POLR3G: variants seen among roughly 807,000 people sequenced by gnomAD.
POLR3G encodes RNA polymerase III subunit G, also known as DNA-directed RNA polymerase III subunit RPC7.
POLR3G carries 28 observed loss-of-function variants against 30.1 expected under a neutral mutation model. The observed-to-expected ratio is 0.93, with a 90% CI of 0.69 to 1.27. The LOEUF is 1.27. POLR3G is among the 50% of genes most tolerant of loss of function. The pLI is 0.00. For synonymous variants in POLR3G, 79 were observed against 82.5 expected (o/e 0.96, Z 0.23); for missense variants, 254 against 264.6 (o/e 0.96, Z 0.28).
At chr5:90,496,719 C>G (rs1752014596) in intron 4 of POLR3G, among the ~76,000 whole-genome samples, 1 of 152,192 alleles carries the variant, frequency 6.6e-6, no homozygotes, top group Admixed American at 6.5e-5. Flanking sequence ...TGTCCTTGGT[C>G]TTTTATGGAA....
chr5:90,508,938 G>A (rs1376757915), intron 7 of POLR3G, among the ~76,000 whole-genome samples: 1 of 152,288 alleles, frequency 6.6e-6, no homozygotes, highest in Middle Eastern at 3.4e-3. Flanking sequence ...GCGGGTGCCT[G>A]TAATCCCAAC....
At position 90,506,627 on chromosome 5, in the gene POLR3G, G is replaced by A. The variant is rs140910392; in HGVS notation, c.538G>A (p.Asp180Asn). ...KSKEGDDDDD[D>N]DAAEQEEYDE... ...TAAAGAAGGTGATGATGACGATGACGATGATGCCGCAGAACAGGAGGAATA... is the reference window on the plus strand; with the variant it reads ...TAAAGAAGGTGATGATGACGATGACAATGATGCCGCAGAACAGGAGGAATA... The change falls in exon 7 of 8, where the codon GAT (aspartate) becomes AAT (asparagine). Residue 180 changes from aspartate (D) to asparagine (N), a missense_variant. Transcript: ENST00000651687. 109 of 1,613,670 alleles carry A rather than the reference G, an allele frequency of 6.8e-5. No individual in the cohort carries two copies. The highest frequency in any genetic ancestry group is 5.6e-4 in the African/African-American group (42 of 75,034).
intron 2 of POLR3G, among the ~76,000 whole-genome samples, chr5:90,486,286 T>C (rs1213198189): frequency 6.6e-6 from 1 of 152,232 alleles, no homozygotes; most frequent in Non-Finnish European, 1.5e-5. Flanking sequence ...TTTACCTTTT[T>C]GATATTCAGC....
At chr5:90,485,929 A>T (rs1280926321) in intron 2 of POLR3G, among the ~76,000 whole-genome samples, 1 of 152,224 alleles carries the variant, frequency 6.6e-6, no homozygotes, top group Non-Finnish European at 1.5e-5. Flanking sequence ...ATTAGTTTTC[A>T]ATTCTTACAA....
rs35557396 is a variant in POLR3G, at chr5:90,481,327, T to TG, written c.-43-4197dup. Among the ~76,000 whole-genome samples the TG allele has an allele frequency of 7.4e-4, 107 of 145,218 alleles. 1 individual carries two copies. Among genetic ancestry groups the TG allele is most frequent in the Admixed American group, 1.0e-3 (15 of 14,756 alleles). On this transcript the variant is annotated intron_variant, in intron 1 of 7. Transcript: ENST00000651687. ...AGAGAGCATCCCTTTTCAGTATTCT[T>TG]GAAAAAAAAAAAAAAATCAAACCCA...
At chr5:90,474,396 G>A (rs557665000), upstream of POLR3G, 3 of 1,078,918 alleles carry the variant, frequency 2.8e-6, no homozygotes, top group South Asian at 1.4e-5. Flanking sequence ...TCTGCCTGCA[G>A]CCAGGGAGGA....
intron 7 of POLR3G, among the ~76,000 whole-genome samples, chr5:90,508,520 G>A (rs1279739454): frequency 6.6e-6 from 1 of 151,564 alleles, no homozygotes; most frequent in African/African-American, 2.4e-5. Context: ...TGTAAAATAT[G>A]TTGTCCACAT....
At position 90,485,608 on chromosome 5, in the gene POLR3G, T is replaced by C. The variant is rs376016457; in HGVS notation, c.41T>C (p.Phe14Ser). Residue 14 changes from phenylalanine (F) to serine (S), a missense_variant, in exon 2 of 8, where the codon TTT (phenylalanine) becomes TCT (serine). By Grantham distance (155) the Phe-to-Ser change is radical. Coordinates refer to ENST00000651687, the MANE Select transcript of POLR3G (RefSeq NM_006467.3). ...NKGRGRAAYTFNIEAVGFSKG... is the reference protein window; with the variant it reads ...NKGRGRAAYTSNIEAVGFSKG... ...GGAAGAGGACGTGCTGCTTATACCT[T>C]TAATATTGAGGCTGTTGGATTTAGC... 5 of 1,614,048 alleles carry C rather than the reference T, an allele frequency of 3.1e-6. No individual in the cohort carries two copies. Among genetic ancestry groups the C allele is most frequent in the Non-Finnish European group, 3.4e-6 (4 of 1,179,980 alleles).
intron 7 of POLR3G, among the ~76,000 whole-genome samples, chr5:90,509,650 G>T (rs1016336027): frequency 6.6e-6 from 1 of 152,190 alleles, no homozygotes; most frequent in Non-Finnish European, 1.5e-5. Context: ...TAGGAACATG[G>T]AATGGAGTGG....
At chr5:90,501,755 G>A in intron 5 of POLR3G, 151 bp from the exon 6 acceptor site, 1 of 833,688 alleles carries the variant, frequency 1.2e-6, no homozygotes, top group Non-Finnish European at 1.8e-6. Context: ...GGTATGATTT[G>A]TTTATTCTTT....
Position 90,506,606 on chromosome 5 carries a change from G to A in POLR3G, c.517G>A (p.Glu173Lys), listed in dbSNP as rs372880869. Residue 173 changes from glutamate (E) to lysine (K), a missense_variant, in exon 7 of 8, where the codon GAA (glutamate) becomes AAA (lysine). Transcript: ENST00000651687. ...AGAAGGAAGCAAAGAGAAAAGTAAA[G>A]AAGGTGATGATGACGATGACGATGA... ...EKEGSKEKSKEGDDDDDDDAA... is the reference protein window; with the variant it reads ...EKEGSKEKSKKGDDDDDDDAA... 2.2e-4 allele frequency: 349 copies of A among 1,613,798 alleles called. 1 individual carries two copies. The highest frequency in any genetic ancestry group is 2.8e-4 in the Non-Finnish European group (336 of 1,179,908).
chr5:90,484,001 C>A (rs1751282230), intron 1 of POLR3G, among the ~76,000 whole-genome samples: 1 of 152,166 alleles, frequency 6.6e-6, no homozygotes, highest in African/African-American at 2.4e-5. Flanking sequence ...CTCAACTACT[C>A]CTTAGTAGCT....
At chr5:90,511,713 T>C (rs1178824987) in intron 7 of POLR3G, among the ~76,000 whole-genome samples, 1 of 152,106 alleles carries the variant, frequency 6.6e-6, no homozygotes, top group East Asian at 1.9e-4. Flanking sequence ...GTCTAATGGA[T>C]GTTAATGTAA....
chr5:90,507,051 T>C (rs1752521905), intron 7 of POLR3G, among the ~76,000 whole-genome samples: 1 of 152,186 alleles, frequency 6.6e-6, no homozygotes, highest in Non-Finnish European at 1.5e-5. Flanking sequence ...ATCCCTGCAG[T>C]GTGTTTCAAA....
At chr5:90,496,234 C>T (rs1294990553) in intron 4 of POLR3G, among the ~76,000 whole-genome samples, 3 of 152,174 alleles carry the variant, frequency 2.0e-5, no homozygotes, top group Non-Finnish European at 2.9e-5. Context: ...TCCCAAAGTG[C>T]TGGGATTACA....
At chr5:90,494,605 A>C (rs1175785797) in intron 3 of POLR3G, among the ~76,000 whole-genome samples, 1 of 151,906 alleles carries the variant, frequency 6.6e-6, no homozygotes, top group East Asian at 1.9e-4. Context: ...ACAGTATCTC[A>C]TTGTGGTTTT....
intron 1 of POLR3G, among the ~76,000 whole-genome samples, chr5:90,478,600 ACT>A (rs1750963863): frequency 4.7e-5 from 1 of 21,186 alleles, no homozygotes; most frequent in Non-Finnish European, 1.0e-4. Flanking sequence ...AGGGAGCCTC[ACT>A]CTGTCGCCTA....
intron 3 of POLR3G, among the ~76,000 whole-genome samples, chr5:90,490,274 G>GTTTTTTTTTTT (rs67906055): frequency 1.5e-5 from 2 of 131,560 alleles, no homozygotes; most frequent in Non-Finnish European, 3.2e-5. Context: ...AAATATAAGG[G>GTTTTTTTTTTT]TTTTTTTTTT....
At chr5:90,509,029 C>T (rs1230602366) in intron 7 of POLR3G, among the ~76,000 whole-genome samples, 1 of 152,126 alleles carries the variant, frequency 6.6e-6, no homozygotes, top group Non-Finnish European at 1.5e-5. Context: ...CCACTGCACT[C>T]CAGCCTGGGC....
Sources: gnomAD v4.1 joint callset for allele counts (sites outside exome capture counted in the v4.1 genomes callset) on GRCh38, gnomAD v4.1.1 for gene constraint, MANE v1.5 for transcripts, NCBI Gene and HGNC (gene_info 2026-07-23, HGNC 2026-07-21) for gene names.